Variants in RFX7 observed in about 807,000 individuals in gnomAD.
RFX7 encodes the protein regulatory factor X7.
RFX7 carries 26 observed loss-of-function variants against 111.8 expected under a neutral mutation model. The observed-to-expected ratio is 0.23, with a 90% CI of 0.17 to 0.32. RFX7 has a LOEUF of 0.32. Ranked by LOEUF, RFX7 falls within the 10% of genes least tolerant of loss-of-function variation. RFX7 has a pLI of 1.00. For missense variants in RFX7, 1,573 were observed against 1,772.9 expected, an observed-to-expected ratio of 0.89 and a Z score of 2.02; for synonymous variants, 624 against 624.4, an observed-to-expected ratio of 1.00 and a Z score of 0.01.
chr15:56,164,232 C>T (rs553651945), intron 3 of RFX7, among the ~76,000 whole-genome samples: 1 of 152,226 alleles, frequency 6.6e-6, no homozygotes, highest in East Asian at 1.9e-4. Context: ...CAGTGTGGGC[C>T]AAACAAAACA....
intron 5 of RFX7, among the ~76,000 whole-genome samples, chr15:56,114,877 T>G (rs540266409): frequency 1.4e-4 from 21 of 152,300 alleles, no homozygotes; most frequent in Non-Finnish European, 2.1e-4. Context: ...CCATAGTTTA[T>G]GAAGTCATCT....
At chr15:56,221,971 C>T (rs2043431328) in intron 2 of RFX7, among the ~76,000 whole-genome samples, 1 of 152,066 alleles carries the variant, frequency 6.6e-6, no homozygotes, top group Non-Finnish European at 1.5e-5. Context: ...TTCTCTTCAC[C>T]CCTTCATTTG....
intron 3 of RFX7, among the ~76,000 whole-genome samples, chr15:56,169,653 T>C (rs971226125): frequency 6.6e-6 from 1 of 151,374 alleles, no homozygotes; most frequent in African/African-American, 2.4e-5. Context: ...TTCTGTTTCA[T>C]TCTATAGCCT....
Position 56,207,469 on chromosome 15 carries a change from T to A in RFX7, c.162-28166A>T, listed in dbSNP as rs1323505330. 3.9e-5 allele frequency among the ~76,000 whole-genome samples: 6 copies of A among 152,144 alleles called. No homozygotes were observed. In the South Asian group the frequency reaches 8.3e-4, roughly 21 times the overall value. On this transcript the variant is annotated intron_variant, in intron 2 of 9. Transcript: ENST00000559447. ...TTTTACTATAATTAAAACAAATTTT[T>A]AAAAAATTAACATCAAGCTAAGCCT...
intron 2 of RFX7, among the ~76,000 whole-genome samples, chr15:56,195,937 TTTGACATAGGATGCTA>T (rs1433357553): frequency 2.0e-5 from 3 of 152,168 alleles, no homozygotes; most frequent in African/African-American, 7.2e-5. Context: ...ACATCTTGCT[TTTGACATAGGATGCTA>T]TAAAGATTTA....
In RFX7 at chr15:56,160,014, T is replaced by A. The variant is rs1465653999; in HGVS notation, c.196-15531A>T. On this transcript the variant is annotated intron_variant, in intron 3 of 9. Coordinates refer to ENST00000559447, the MANE Select transcript of RFX7 (RefSeq NM_022841.7). ...TTCCCTTGTTTGAAATCTGTAGTGA[T>A]TTGTTTCCTGTAACGACAATCTTCC... Among the ~76,000 whole-genome samples, 6 of 152,282 alleles carry A rather than the reference T, an allele frequency of 3.9e-5. No individual in the cohort carries two copies. In the East Asian group the frequency reaches 1.2e-3, roughly 29 times the overall value.
chr15:56,158,994 C>G (rs1465605688), intron 3 of RFX7, among the ~76,000 whole-genome samples: 1 of 152,184 alleles, frequency 6.6e-6, no homozygotes, highest in Non-Finnish European at 1.5e-5. Context: ...CTTCCCATAT[C>G]CCTCCCTGCC....
intron 5 of RFX7, among the ~76,000 whole-genome samples, chr15:56,106,945 G>T (rs370062058): frequency 3.3e-5 from 5 of 151,996 alleles, no homozygotes; most frequent in African/African-American, 1.2e-4. Context: ...ATTATACTTT[G>T]CAAGACTCAA....
chr15:56,238,605 G>A (rs1391778061), intron 2 of RFX7, among the ~76,000 whole-genome samples: 1 of 152,062 alleles, frequency 6.6e-6, no homozygotes, highest in Non-Finnish European at 1.5e-5. Flanking sequence ...TTTAAGAAGA[G>A]GCTTATGAGG....
At chr15:56,155,523 C>T (rs1215713371) in intron 3 of RFX7, among the ~76,000 whole-genome samples, 1 of 152,130 alleles carries the variant, frequency 6.6e-6, no homozygotes, top group Non-Finnish European at 1.5e-5. Context: ...ATCAGAAAAC[C>T]AAATACTGCG....
In RFX7 at chr15:56,094,696, C is replaced by T. The variant is rs371043731; in HGVS notation, c.3032G>A (p.Ser1011Asn). Residue 1011 changes from serine to asparagine, a missense_variant, in exon 10 of 10, where the codon AGT becomes AAT. By Grantham distance (46) the Ser-to-Asn change is conservative (BLOSUM62 1). This residue lies in a region of RFX7 where 625 missense variants were observed against 632.2 expected (regional missense o/e 0.99). Transcript: ENST00000559447. ...PIGTPHSNCS[S>N]SVPPSPVECR... is the part of the protein sequence containing the mutation. The stretch of plus-strand genomic sequence containing the variant: ...TTCAACAGGGCTGGGGGGGACACTA[C>T]TGCTGCAGTTAGAATGTGGAGTACC... 1.9e-6 allele frequency: 3 copies of T among 1,613,810 alleles called. No individual in the cohort carries two copies. The African/African-American group carries it at 4.0e-5, about 22-fold the overall frequency.
chr15:56,209,929 C>A (rs150175201), intron 2 of RFX7, among the ~76,000 whole-genome samples: 343 of 152,038 alleles, frequency 2.3e-3, no homozygotes, highest in African/African-American at 7.9e-3. Flanking sequence ...AAACAAAGAA[C>A]AAGGACGATA....
chr15:56,094,942 G>C lies in RFX7; in HGVS notation c.2786C>G (p.Thr929Ser). The C allele has an allele frequency of 6.3e-7, 1 of 1,598,470 alleles. No individual in the cohort carries two copies. Among genetic ancestry groups the C allele is most frequent in the Non-Finnish European group, 8.5e-7 (1 of 1,172,422 alleles). ...TGGATGATAGAAGTGGGTGCTGGAA[G>C]TGTGAGATGACATTGGAGCTCCTGG... The part of the protein sequence containing the change: ...VTPGAPMSSH[T>S]SSTHFYHPIH... The change falls in exon 10 of 10, where the codon ACT becomes AGT. Residue 929 changes from threonine (T) to serine (S), a missense_variant. This residue lies in a region of RFX7 where 625 missense variants were observed against 632.2 expected (regional missense o/e 0.99). Coordinates refer to ENST00000559447, the MANE Select transcript of RFX7 (RefSeq NM_022841.7).
intron 3 of RFX7, among the ~76,000 whole-genome samples, chr15:56,161,496 T>A (rs2042719690): frequency 6.6e-6 from 1 of 152,080 alleles, no homozygotes; most frequent in Non-Finnish European, 1.5e-5. Flanking sequence ...GGGACATTCA[T>A]TGGTAATTTT....
At chr15:56,183,705 C>A (rs1337128628) in intron 2 of RFX7, among the ~76,000 whole-genome samples, 12 of 152,114 alleles carry the variant, frequency 7.9e-5, no homozygotes, top group African/African-American at 2.9e-4. Flanking sequence ...CTTTGTTTTT[C>A]CAGGTGAATT....
intron 3 of RFX7, among the ~76,000 whole-genome samples, chr15:56,150,809 A>G (rs1260429510): frequency 6.6e-6 from 1 of 152,196 alleles, no homozygotes. Flanking sequence ...CAAGGAAGCT[A>G]ATAACCTTGA....
chr15:56,226,648 T>C (rs1353239819), intron 2 of RFX7, among the ~76,000 whole-genome samples: 1 of 152,122 alleles, frequency 6.6e-6, no homozygotes, highest in Non-Finnish European at 1.5e-5. Context: ...GAAGCAAAGA[T>C]GGAATAAGAA....
intron 5 of RFX7, among the ~76,000 whole-genome samples, chr15:56,107,472 A>G (rs1409368833): frequency 6.6e-6 from 1 of 152,096 alleles, no homozygotes. Flanking sequence ...TCATGTCACA[A>G]ATTTAATTGT....
intron 5 of RFX7, among the ~76,000 whole-genome samples, chr15:56,119,197 T>A (rs1405329734): frequency 6.6e-6 from 1 of 152,222 alleles, no homozygotes; most frequent in Non-Finnish European, 1.5e-5. Flanking sequence ...CTGCATGTGA[T>A]CCCATCTGTC....
Sources: gnomAD v4.1 joint callset for allele counts (sites outside exome capture counted in the v4.1 genomes callset) on GRCh38, gnomAD v4.1.1 for gene constraint, gnomAD v4.1.1 regional missense constraint, MANE v1.5 for transcripts, NCBI Gene and HGNC (gene_info 2026-07-23, HGNC 2026-07-21) for gene names.